The following MTUS2 variants were observed in gnomAD, a reference collection of about 807,000 sequenced individuals.
MTUS2 encodes the protein microtubule-associated tumor suppressor candidate 2.
MTUS2 carries 40 observed loss-of-function variants against 114.1 expected under a neutral mutation model. The observed-to-expected ratio is 0.35, with a 90% confidence interval of 0.27 to 0.46. The LOEUF is 0.46. Ranked by LOEUF, MTUS2 falls within the 20% of genes least tolerant of loss-of-function variation. MTUS2 has a pLI of 1.00. For missense variants in MTUS2, 1,679 were observed against 1,705.4 expected (o/e 0.98, Z 0.27); for synonymous variants, 688 against 672.0 (o/e 1.02, Z -0.37).
intron 4 of MTUS2, among the ~76,000 whole-genome samples, chr13:29,059,899 A>T (rs1888329476): frequency 6.6e-6 from 1 of 152,176 alleles, no homozygotes; most frequent in Admixed American, 6.5e-5. Context: ...GCTTCCTGGA[A>T]CAACAGGAGG....
chr13:29,390,211 G>T (rs1173427999), intron 8 of MTUS2, among the ~76,000 whole-genome samples: 1 of 150,988 alleles, frequency 6.6e-6, no homozygotes, highest in Non-Finnish European at 1.5e-5. Context: ...TGGAGTGAAA[G>T]GACTAGACAT....
chr13:29,310,526 C>T (rs1205818647), intron 6 of MTUS2, among the ~76,000 whole-genome samples: 1 of 152,144 alleles, frequency 6.6e-6, no homozygotes, highest in African/African-American at 2.4e-5. Flanking sequence ...AAAAAGGTTA[C>T]ATATTGCAAC....
chr13:28,906,826 T>C (rs3001954), intron 2 of MTUS2, among the ~76,000 whole-genome samples: 19,730 of 151,274 alleles, frequency 0.13, 1,933 homozygotes, highest in African/African-American at 0.21. Flanking sequence ...GGAAAACACT[T>C]TGCACGGTGT....
intron 10 of MTUS2, among the ~76,000 whole-genome samples, chr13:29,485,670 C>CA (rs1187285670): frequency 1.3e-5 from 2 of 152,216 alleles, no homozygotes; most frequent in Non-Finnish European, 2.9e-5. Context: ...ACCAATGACT[C>CA]AAAGGCATAC....
intron 3 of MTUS2, among the ~76,000 whole-genome samples, chr13:29,032,614 A>T (rs1886880085): frequency 6.6e-6 from 1 of 152,232 alleles, no homozygotes; most frequent in South Asian, 2.1e-4. Flanking sequence ...TATAACAGTC[A>T]TGCATATTTT....
In MTUS2 at chr13:29,101,456, C is replaced by T. The variant is rs555796146; in HGVS notation, c.2644+486C>T. ...GTAGCAAAGCACTGCCAAGCTTCTT[C>T]AAGTCCATGCCCAGGAAGATCTCCA... On this transcript the variant is annotated intron_variant, in intron 5 of 15. Coordinates refer to ENST00000612955, the MANE Select transcript of MTUS2 (RefSeq NM_001033602.4). Among the ~76,000 whole-genome samples, 7 of 152,330 alleles carry T rather than the reference C, an allele frequency of 4.6e-5. No homozygotes were observed. In the East Asian group the frequency reaches 9.6e-4, roughly 21 times the overall value.
chr13:29,034,004 G>C lies in MTUS2; in HGVS notation c.2325G>C (p.Met775Ile), dbSNP rs202108949. The C allele has an allele frequency of 9.5e-5, 153 of 1,613,864 alleles. No homozygotes were observed. Among genetic ancestry groups the C allele is most frequent in the Non-Finnish European group, 2.5e-6 (3 of 1,179,904 alleles). ...LLKPQLGLGA[M>I]SRLPSAKSRI... ...AGCCCCAGCTAGGATTGGGTGCAAT[G>C]TCCCGTTTACCATCTGCAAAGAGCA... is the stretch of plus-strand genomic sequence containing the variant. Residue 775 changes from methionine (M) to isoleucine (I), a missense_variant, in exon 4 of 16, where the codon ATG becomes ATC. Physicochemically the swap from Met to Ile is conservative, Grantham distance 10. Transcript: ENST00000612955.
chr13:29,375,552 TATATACG>T (rs1566163206), intron 8 of MTUS2, among the ~76,000 whole-genome samples: 217 of 5,848 alleles, frequency 0.037, 1 homozygote, highest in South Asian at 0.14. Flanking sequence ...TATATATATA[TATATACG>T]TATATATATA....
At chr13:28,953,497 G>A (rs1882911608) in intron 2 of MTUS2, among the ~76,000 whole-genome samples, 1 of 152,190 alleles carries the variant, frequency 6.6e-6, no homozygotes, top group Admixed American at 6.5e-5. Context: ...CAACAAGAGT[G>A]AAACTCTGTC....
At chr13:28,892,244 G>A (rs1049503374) in intron 2 of MTUS2, among the ~76,000 whole-genome samples, 1 of 152,190 alleles carries the variant, frequency 6.6e-6, no homozygotes, top group Non-Finnish European at 1.5e-5. Context: ...GGATGTATCT[G>A]TACTGAATGA....
At chr13:29,099,466 T>C (rs1246341050) in intron 4 of MTUS2, among the ~76,000 whole-genome samples, 2 of 151,542 alleles carry the variant, frequency 1.3e-5, no homozygotes, top group Non-Finnish European at 2.9e-5. Flanking sequence ...AGAGGTACTT[T>C]TCTATGTACC....
At chr13:28,910,975 A>G (rs1005201547) in intron 2 of MTUS2, among the ~76,000 whole-genome samples, 3 of 133,408 alleles carry the variant, frequency 2.2e-5, no homozygotes, top group African/African-American at 8.7e-5. Context: ...TCCCAGGTTC[A>G]CACCATTCTT....
At chr13:29,433,066 A>G (rs974053797) in intron 8 of MTUS2, among the ~76,000 whole-genome samples, 1 of 152,368 alleles carries the variant, frequency 6.6e-6, no homozygotes, top group East Asian at 1.9e-4. Context: ...CTCTGAGACC[A>G]GAATTTCCCA....
chr13:29,242,064 G>A (rs1896753333), intron 5 of MTUS2, among the ~76,000 whole-genome samples: 1 of 152,102 alleles, frequency 6.6e-6, no homozygotes, highest in Non-Finnish European at 1.5e-5. Flanking sequence ...TCATAGGGCT[G>A]TATTATCATT....
chr13:29,170,252 G>C (rs886503663), intron 5 of MTUS2, among the ~76,000 whole-genome samples: 2 of 152,208 alleles, frequency 1.3e-5, no homozygotes, highest in Non-Finnish European at 2.9e-5. Flanking sequence ...TTTGCTTAGT[G>C]AGAGGAAGTG....
At chr13:29,290,832 G>A (rs1258445754) in intron 6 of MTUS2, among the ~76,000 whole-genome samples, 4 of 152,136 alleles carry the variant, frequency 2.6e-5, no homozygotes, top group Admixed American at 6.5e-5. Context: ...ATGTGCAGTC[G>A]TGGCTGTTGT....
intron 5 of MTUS2, among the ~76,000 whole-genome samples, chr13:29,281,072 A>C (rs1566107427): frequency 6.6e-6 from 1 of 152,178 alleles, no homozygotes; most frequent in Non-Finnish European, 1.5e-5. Context: ...CTTGGAAGTA[A>C]TTCAGGGTCC....
Position 29,502,914 on chromosome 13 carries a change from TGCCC to T in MTUS2, c.3897-78_3897-75del, listed in dbSNP as rs1379162675. On this transcript the variant is annotated intron_variant, in intron 15 of 15. Coordinates refer to ENST00000612955, the MANE Select transcript of MTUS2 (RefSeq NM_001033602.4). Reference sequence around the variant, plus strand: ...TGCGGTCATCATGGCCTCCTCCCTTTGCCCTGCACCATTGTCCTGACCTCAGGTT... The same window carrying T: ...TGCGGTCATCATGGCCTCCTCCCTTTTGCACCATTGTCCTGACCTCAGGTT... 2.1e-6 allele frequency: 3 copies of T among 1,428,230 alleles called. No individual in the cohort carries two copies. The East Asian group carries it at 7.0e-5, about 33-fold the overall frequency. 88.5% of individuals were successfully genotyped at this position (1,428,230 alleles called of 1,614,324 possible).
intron 5 of MTUS2, among the ~76,000 whole-genome samples, chr13:29,217,317 G>T (rs914268716): frequency 1.4e-4 from 22 of 151,942 alleles, no homozygotes; most frequent in African/African-American, 5.3e-4. Flanking sequence ...CATTTAGCTT[G>T]GGTTTTTCCT....
Sources: gnomAD v4.1 joint callset for allele counts (sites outside exome capture counted in the v4.1 genomes callset) on GRCh38, gnomAD v4.1.1 for gene constraint, MANE v1.5 for transcripts, NCBI Gene and HGNC (gene_info 2026-07-23, HGNC 2026-07-21) for gene names.